CADPS2: variants seen among roughly 807,000 people sequenced by gnomAD.
The protein encoded by CADPS2 is calcium dependent secretion activator 2, also known as calcium-dependent secretion activator 2.
Under a neutral mutation model 172.5 loss-of-function variants are expected in CADPS2, and 93 were observed. The ratio of observed to expected loss-of-function variants is 0.54; its 90% CI spans 0.46 to 0.64. CADPS2 has a LOEUF of 0.64. Among genes scored for constraint, CADPS2 ranks in the 30% least tolerant of loss-of-function variants. The probability of loss-of-function intolerance (pLI) is 0.00; values close to 1 mark genes in which losing one functional copy is unlikely to be tolerated. For synonymous variants in CADPS2, 546 were observed against 555.2 expected (o/e 0.98, Z 0.23); for missense variants, 1,420 against 1,565.9 (o/e 0.91, Z 1.57).
intron 1 of CADPS2, among the ~76,000 whole-genome samples, chr7:122,858,315 A>C (rs1815905800): frequency 6.6e-6 from 1 of 152,168 alleles, no homozygotes; most frequent in Non-Finnish European, 1.5e-5. Context: ...TATACCCACA[A>C]ACTCTCGAAT....
chr7:122,541,673 G>A (rs899899156), intron 8 of CADPS2, among the ~76,000 whole-genome samples: 2 of 138,470 alleles, frequency 1.4e-5, no homozygotes, highest in Non-Finnish European at 3.1e-5. Flanking sequence ...ATTCATATAT[G>A]TTTATATATT....
rs568066702 is a variant in CADPS2, at chr7:122,559,867, ACT to A, written c.1336-5180_1336-5179del. Among the ~76,000 whole-genome samples the A allele has an allele frequency of 4.0e-5, 6 of 151,774 alleles. No homozygotes were observed. In the South Asian group the frequency reaches 1.3e-3, roughly 32 times the overall value. Reference sequence around the variant, plus strand: ...TTCTAGAGTTAGGAAAAGGGACAAGACTCTATAACTGAGACCAGTCACCAAGG... The same window carrying A: ...TTCTAGAGTTAGGAAAAGGGACAAGACTATAACTGAGACCAGTCACCAAGG... On this transcript the variant is annotated intron_variant, in intron 7 of 29. Transcript: ENST00000449022.
chr7:122,728,548 G>A (rs764154697), intron 2 of CADPS2, among the ~76,000 whole-genome samples: 1 of 151,622 alleles, frequency 6.6e-6, no homozygotes, highest in Non-Finnish European at 1.5e-5. Context: ...GAAAAACAAT[G>A]ACCTGAAGAT....
chr7:122,597,221 C>T (rs1376196251), intron 6 of CADPS2, among the ~76,000 whole-genome samples: 1 of 152,078 alleles, frequency 6.6e-6, no homozygotes, highest in African/African-American at 2.4e-5. Context: ...GTCAGTTAAA[C>T]TTTTTGAGTA....
chr7:122,862,786 T>A (rs913499690), intron 1 of CADPS2, among the ~76,000 whole-genome samples: 3 of 152,128 alleles, frequency 2.0e-5, no homozygotes, highest in South Asian at 4.2e-4. Context: ...TATTGCTAAA[T>A]TATCTGCACA....
intron 25 of CADPS2, among the ~76,000 whole-genome samples, chr7:122,363,088 C>A (rs1419111703): frequency 6.6e-6 from 1 of 152,198 alleles, no homozygotes; most frequent in African/African-American, 2.4e-5. Flanking sequence ...TTAGCACTTT[C>A]TTCCTGCCTG....
chr7:122,865,203 C>T (rs1460974019), intron 1 of CADPS2, among the ~76,000 whole-genome samples: 1 of 152,220 alleles, frequency 6.6e-6, no homozygotes, highest in Non-Finnish European at 1.5e-5. Context: ...ACACTAGCAA[C>T]ACTTTGCCTT....
At chr7:122,841,510 A>G (rs375938953) in intron 1 of CADPS2, among the ~76,000 whole-genome samples, 21 of 152,234 alleles carry the variant, frequency 1.4e-4, no homozygotes, top group Admixed American at 5.9e-4. Flanking sequence ...AAAATATGCT[A>G]TAGTAGTGAT....
intron 3 of CADPS2, among the ~76,000 whole-genome samples, chr7:122,641,209 T>C (rs2077606790): frequency 6.6e-6 from 1 of 152,228 alleles, no homozygotes; most frequent in African/African-American, 2.4e-5. Flanking sequence ...CCGTTAATCC[T>C]TGATCATAAC....
At chr7:122,807,654 A>G (rs991290189) in intron 1 of CADPS2, among the ~76,000 whole-genome samples, 3 of 152,216 alleles carry the variant, frequency 2.0e-5, no homozygotes, top group Non-Finnish European at 4.4e-5. Flanking sequence ...GAAGTCCAAG[A>G]TCAAAGTGTT....
Position 122,393,524 on chromosome 7 carries a change from A to C in CADPS2, c.2805T>G (p.Val935=), listed in dbSNP as rs2151495990. 2 of 1,613,932 alleles carry C rather than the reference A, an allele frequency of 1.2e-6. No individual in the cohort carries two copies. The highest frequency in any genetic ancestry group is 4.5e-5 in the East Asian group (2 of 44,854). Residue 935 remains valine, a synonymous_variant, in exon 21 of 30, where the codon GTT becomes GTG. Transcript: ENST00000449022. ...KHLQEIFVPL[V]VRYVDLMESS... is the part of the protein sequence containing the mutation. Reference sequence around the variant, plus strand: ...ACTCCATGAGATCCACATAGCGGACAACCAAGGGTACAAAGATTTCTTGCA... The same window carrying C: ...ACTCCATGAGATCCACATAGCGGACCACCAAGGGTACAAAGATTTCTTGCA...
chr7:122,514,779 C>G (rs2060236162), intron 8 of CADPS2, among the ~76,000 whole-genome samples: 1 of 151,978 alleles, frequency 6.6e-6, no homozygotes, highest in African/African-American at 2.4e-5. Flanking sequence ...GGCATATCCA[C>G]AGAGAAATAC....
At chr7:122,433,277 T>TC (rs1488082531) in intron 17 of CADPS2, among the ~76,000 whole-genome samples, 2 of 151,850 alleles carry the variant, frequency 1.3e-5, no homozygotes, top group Non-Finnish European at 2.9e-5. Flanking sequence ...CACCATGCTC[T>TC]CCCTGGAATA....
intron 16 of CADPS2, among the ~76,000 whole-genome samples, chr7:122,438,822 A>G (rs2050988266): frequency 6.6e-6 from 1 of 152,108 alleles, no homozygotes; most frequent in African/African-American, 2.4e-5. Flanking sequence ...CGGGACAAAT[A>G]ATAGTTTGTT....
At chr7:122,620,580 A>C (rs2133975972) in intron 5 of CADPS2, among the ~76,000 whole-genome samples, 1 of 152,280 alleles carries the variant, frequency 6.6e-6, no homozygotes, top group African/African-American at 2.4e-5. Flanking sequence ...GATTTGCATA[A>C]AATAATGAAA....
chr7:122,386,287 A>G, intron 24 of CADPS2: 1 of 1,428,990 alleles, frequency 7.0e-7, no homozygotes, highest in Non-Finnish European at 9.2e-7. Flanking sequence ...AAAAAAAATG[A>G]GACTTACCCA....
At chr7:122,732,519 T>G (rs1588850997) in intron 2 of CADPS2, among the ~76,000 whole-genome samples, 1 of 150,100 alleles carries the variant, frequency 6.7e-6, no homozygotes, top group Non-Finnish European at 1.5e-5. Flanking sequence ...TCAATTTAAT[T>G]TGTAATACAC....
chr7:122,535,542 T>C (rs1227366073), intron 8 of CADPS2, among the ~76,000 whole-genome samples: 2 of 152,026 alleles, frequency 1.3e-5, no homozygotes, highest in African/African-American at 4.8e-5. Flanking sequence ...TTTTATAAAG[T>C]CTGTTAAAGA....
At chr7:122,729,281 A>G (rs550069799) in intron 2 of CADPS2, among the ~76,000 whole-genome samples, 1 of 151,916 alleles carries the variant, frequency 6.6e-6, no homozygotes, top group East Asian at 1.9e-4. Flanking sequence ...ATAGACACTT[A>G]GGTTGATTCC....
Sources: gnomAD v4.1 joint callset for allele counts (sites outside exome capture counted in the v4.1 genomes callset) on GRCh38, gnomAD v4.1.1 for gene constraint, MANE v1.5 for transcripts, NCBI Gene and HGNC (gene_info 2026-07-23, HGNC 2026-07-21) for gene names.